The following DGLUCY variants were observed in gnomAD, a reference collection of about 807,000 sequenced individuals.
The protein encoded by DGLUCY is D-glutamate cyclase, mitochondrial.
Under a neutral mutation model 58.5 loss-of-function variants are expected in DGLUCY, and 58 were observed. The observed-to-expected ratio is 0.99, with a 90% CI of 0.80 to 1.23. The LOEUF (loss-of-function observed/expected upper bound fraction) is 1.23. Among genes scored for constraint, DGLUCY ranks in the 50% most tolerant of loss-of-function variants. The pLI, the probability that DGLUCY is intolerant of heterozygous loss-of-function variation, is 0.00. For synonymous variants in DGLUCY, 325 were observed against 314.1 expected (o/e 1.03, Z -0.37); for missense variants, 779 against 784.7 (o/e 0.99, Z 0.09).
chr14:91,132,131 T>G (rs1268027942), intron 1 of DGLUCY, among the ~76,000 whole-genome samples: 1 of 152,248 alleles, frequency 6.6e-6, no homozygotes, highest in Non-Finnish European at 1.5e-5. Context: ...GCAATTACTC[T>G]GTGTCAGAAA....
chr14:91,187,761 G>A (rs1048397425), intron 8 of DGLUCY, among the ~76,000 whole-genome samples: 1 of 152,170 alleles, frequency 6.6e-6, no homozygotes, highest in Non-Finnish European at 1.5e-5. Flanking sequence ...CCTGTCCTCC[G>A]AGGACCCCAC....
intron 1 of DGLUCY, chr14:91,145,374 A>C (rs1392317939): frequency 3.3e-5 from 5 of 152,184 alleles, no homozygotes; most frequent in Non-Finnish European, 7.3e-5. Context: ...TATCACATCG[A>C]GCACCTGGGC....
intron 3 of DGLUCY, among the ~76,000 whole-genome samples, chr14:91,163,957 T>A (rs965445606): frequency 1.3e-5 from 2 of 152,012 alleles, no homozygotes; most frequent in Non-Finnish European, 2.9e-5. Context: ...GCATAATAAT[T>A]ATTATTTTTT....
chr14:91,165,383 A>C, intron 3 of DGLUCY: 1 of 418,034 alleles, frequency 2.4e-6, no homozygotes, highest in South Asian at 1.7e-5. Flanking sequence ...GCTGAGGCTG[A>C]GACATGCAAA....
At chr14:91,080,329 T>G (rs1327062529) in intron 1 of DGLUCY, among the ~76,000 whole-genome samples, 1 of 152,246 alleles carries the variant, frequency 6.6e-6, no homozygotes, top group Non-Finnish European at 1.5e-5. Context: ...TGCCGAATCA[T>G]ACAGTAAGTC....
intron 1 of DGLUCY, among the ~76,000 whole-genome samples, chr14:91,148,342 C>T (rs151172692): frequency 0.044 from 6,617 of 151,392 alleles, 446 homozygotes; most frequent in African/African-American, 0.15. Flanking sequence ...GTAGCTGGGA[C>T]CACAGGTGTG....
chr14:91,174,818 A>T (rs1457994252), intron 6 of DGLUCY, among the ~76,000 whole-genome samples: 1 of 152,146 alleles, frequency 6.6e-6, no homozygotes, highest in Admixed American at 6.6e-5. Flanking sequence ...TGAGCCCTCA[A>T]CCCGTGGGTT....
At chr14:91,083,881 C>A (rs2044169018) in intron 1 of DGLUCY, among the ~76,000 whole-genome samples, 1 of 152,170 alleles carries the variant, frequency 6.6e-6, no homozygotes, top group Non-Finnish European at 1.5e-5. Context: ...GTCCACCCCA[C>A]CCCTATTACT....
chr14:91,083,324 C>T (rs562380302), intron 1 of DGLUCY, among the ~76,000 whole-genome samples: 1 of 152,212 alleles, frequency 6.6e-6, no homozygotes, highest in Admixed American at 6.5e-5. Flanking sequence ...GAGTTCGAGA[C>T]CGGCCTGGCC....
upstream of DGLUCY, among the ~76,000 whole-genome samples, chr14:91,110,144 T>C (rs1263657500): frequency 6.6e-6 from 1 of 152,264 alleles, no homozygotes; most frequent in African/African-American, 2.4e-5. Context: ...ATTGCTTCTC[T>C]TCCCAAGCAC....
upstream of DGLUCY, among the ~76,000 whole-genome samples, chr14:91,107,181 T>C (rs79873378): frequency 0.012 from 1,791 of 152,270 alleles, 27 homozygotes; most frequent in African/African-American, 0.04. Context: ...TTTGAACATG[T>C]AATGTTCTTA....
At chr14:91,167,724 C>T in intron 4 of DGLUCY, 1 of 696,374 alleles carries the variant, frequency 1.4e-6, no homozygotes, top group South Asian at 1.5e-5. Context: ...ATTACCAACA[C>T]CCAGAGACAG....
At chr14:91,111,408 A>G (rs543141214), upstream of DGLUCY, among the ~76,000 whole-genome samples, 22 of 151,758 alleles carry the variant, frequency 1.4e-4, no homozygotes, top group African/African-American at 5.1e-4. Context: ...TCATCCTCCC[A>G]AGTAGCTGGG....
chr14:91,153,918 T>C (rs1423554417), intron 1 of DGLUCY, among the ~76,000 whole-genome samples: 2 of 152,150 alleles, frequency 1.3e-5, no homozygotes, highest in Admixed American at 1.3e-4. Context: ...TGTTTGTTTG[T>C]TTTTTGAGAC....
At chr14:91,107,478 A>G (rs999122108), upstream of DGLUCY, among the ~76,000 whole-genome samples, 141 of 152,248 alleles carry the variant, frequency 9.3e-4, no homozygotes, top group African/African-American at 3.3e-3. Context: ...AGATCGCGCC[A>G]CTGCACTCCA....
rs1243994563 is a variant in DGLUCY at position 91,215,559 on chromosome 14, A to G, written c.1716+3A>G. ...AGGCCCTCCCGTCGGTCATTAAGGTAACAAACCCCAGCCAGCCGCTCGCCT... is the reference window on the plus strand; with the variant it reads ...AGGCCCTCCCGTCGGTCATTAAGGTGACAAACCCCAGCCAGCCGCTCGCCT... On this transcript the variant is annotated splice_donor_region_variant and intron_variant, in intron 13 of 13. Coordinates refer to ENST00000256324, the MANE Select transcript of DGLUCY (RefSeq NM_001102368.3). The G allele has an allele frequency of 4.3e-6, 7 of 1,613,564 alleles. No individual in the cohort carries two copies. The highest frequency in any genetic ancestry group is 5.9e-6 in the Non-Finnish European group (7 of 1,179,630).
At chr14:91,122,060 G>T (rs2045397236) in intron 1 of DGLUCY, among the ~76,000 whole-genome samples, 1 of 151,974 alleles carries the variant, frequency 6.6e-6, no homozygotes, top group Admixed American at 6.6e-5. Flanking sequence ...ACACCTTGTT[G>T]TCTAGATTGC....
chr14:91,145,648 A>G (rs2046976391), intron 1 of DGLUCY, among the ~76,000 whole-genome samples: 1 of 152,038 alleles, frequency 6.6e-6, no homozygotes, highest in Non-Finnish European at 1.5e-5. Flanking sequence ...TCCTCCTCAC[A>G]CCTGCATCTC....
At chr14:91,175,868 C>T (rs1331932660) in intron 6 of DGLUCY, 66 bp from the exon 7 acceptor site, 2 of 1,571,422 alleles carry the variant, frequency 1.3e-6, no homozygotes, top group Non-Finnish European at 1.7e-6. Context: ...GAACCATAAA[C>T]TACTCAACCA....
Sources: allele counts gnomAD v4.1 joint callset (sites outside exome capture counted in the v4.1 genomes callset), GRCh38; gene constraint gnomAD v4.1.1; transcripts MANE v1.5; gene names NCBI Gene and HGNC (gene_info 2026-07-23, HGNC 2026-07-21).